The following SLC39A12 variants were observed in gnomAD, a reference collection of about 807,000 sequenced individuals.
The protein encoded by SLC39A12 is zinc transporter ZIP12.
Under a neutral mutation model 71.1 loss-of-function variants are expected in SLC39A12, and 63 were observed. The observed-to-expected ratio is 0.89, with a 90% CI of 0.72 to 1.09. The LOEUF is 1.09. SLC39A12 is among the 50% of genes least tolerant of loss of function. The pLI, the probability that SLC39A12 is intolerant of heterozygous loss-of-function variation, is 0.00. For missense variants in SLC39A12, 892 were observed against 812.6 expected, an observed-to-expected ratio of 1.10 and a Z score of -1.19; for synonymous variants, 351 against 301.3, an observed-to-expected ratio of 1.16 and a Z score of -1.71.
chr10:18,027,270 A>AGCATG (rs1361974815), intron 12 of SLC39A12, among the ~76,000 whole-genome samples: 3 of 152,226 alleles, frequency 2.0e-5, no homozygotes, highest in African/African-American at 7.2e-5. Flanking sequence ...CAAGTAAGAC[A>AGCATG]GCATGGCTAG....
intron 12 of SLC39A12, among the ~76,000 whole-genome samples, chr10:18,034,013 A>G (rs1836927247): frequency 1.4e-5 from 2 of 146,056 alleles, no homozygotes; most frequent in Non-Finnish European, 3.0e-5. Flanking sequence ...GTGGTCTGAG[A>G]GATAGTTTGT....
rs781480936 is a variant in SLC39A12 at position 18,000,724 on chromosome 10, T to C, written c.1658T>C (p.Phe553Ser). Residue 553 changes from phenylalanine (F) to serine (S), a missense_variant, in exon 11 of 13, where the codon TTT becomes TCT. Transcript: ENST00000377369. ...CTGGTTGGGGACAGCCTGCATAATT[T>C]TGCAGATGGCCTAGCCATAGGAGCA... ...MILVGDSLHN[F>S]ADGLAIGAAF... The C allele has an allele frequency of 1.2e-6, 2 of 1,614,148 alleles. No homozygotes were observed. The highest frequency in any genetic ancestry group is 4.5e-5 in the East Asian group (2 of 44,876).
chr10:17,990,858 C>T (rs1564648871), intron 7 of SLC39A12, among the ~76,000 whole-genome samples: 1 of 152,118 alleles, frequency 6.6e-6, no homozygotes, highest in Non-Finnish European at 1.5e-5. Context: ...AAATCTAGGG[C>T]ACTTGCAGAA....
intron 12 of SLC39A12, among the ~76,000 whole-genome samples, chr10:18,021,638 A>T (rs1394383242): frequency 6.6e-6 from 1 of 152,116 alleles, no homozygotes; most frequent in Non-Finnish European, 1.5e-5. Flanking sequence ...TAATATTGAT[A>T]TGTATGGATT....
chr10:18,036,493 C>T (rs547976574), intron 12 of SLC39A12, among the ~76,000 whole-genome samples: 13 of 152,046 alleles, frequency 8.6e-5, no homozygotes, highest in Non-Finnish European at 1.6e-4. Flanking sequence ...GGCAATGCCT[C>T]GCCCTGCTTC....
chr10:17,997,382 T>A (rs1197004934), intron 10 of SLC39A12, among the ~76,000 whole-genome samples: 1 of 152,240 alleles, frequency 6.6e-6, no homozygotes, highest in Non-Finnish European at 1.5e-5. Flanking sequence ...TGTAATTACA[T>A]ATTTTGTCCA....
chr10:17,985,249 A>C (rs1835370678), intron 6 of SLC39A12, among the ~76,000 whole-genome samples: 1 of 152,182 alleles, frequency 6.6e-6, no homozygotes. Context: ...AGGCTGAAGC[A>C]GGAGAATCAC....
intron 4 of SLC39A12, among the ~76,000 whole-genome samples, chr10:17,967,652 G>A (rs576392559): frequency 5.3e-4 from 81 of 152,106 alleles, no homozygotes; most frequent in Non-Finnish European, 1.0e-3. Flanking sequence ...GGGAGGCCAA[G>A]GTGGGTGGAT....
intron 12 of SLC39A12, among the ~76,000 whole-genome samples, chr10:18,036,770 A>G (rs1267151438): frequency 1.5e-4 from 2 of 13,436 alleles, no homozygotes; most frequent in African/African-American, 6.5e-4. Context: ...ATATATATAT[A>G]TATATATATA....
intron 2 of SLC39A12, among the ~76,000 whole-genome samples, chr10:17,957,212 GT>G (rs1413759522): frequency 3.9e-5 from 6 of 152,122 alleles, no homozygotes; most frequent in Non-Finnish European, 8.8e-5. Context: ...CTACCAAGTT[GT>G]TTTTTGTCAG....
intron 7 of SLC39A12, 78 bp from the exon 8 acceptor site, chr10:17,991,073 C>A: frequency 7.6e-7 from 1 of 1,314,578 alleles, no homozygotes; most frequent in Non-Finnish European, 1.0e-6. Flanking sequence ...CAACACTGGG[C>A]CTACTATTTA....
chr10:17,953,620 C>T (rs113532564), intron 2 of SLC39A12, 83 bp downstream of exon 2: 1 of 1,458,652 alleles, frequency 6.9e-7, no homozygotes, highest in Non-Finnish European at 9.2e-7. Flanking sequence ...TTCAGTAAAG[C>T]AAAATCACAG....
intron 3 of SLC39A12, 65 bp from the exon 4 acceptor site, chr10:17,965,418 G>A (rs1041739977): frequency 8.2e-6 from 12 of 1,463,940 alleles, no homozygotes; most frequent in African/African-American, 1.4e-5. Context: ...GGAAATTTCA[G>A]AGATGTTAGA....
At chr10:18,034,738 A>G (rs1836949333) in intron 12 of SLC39A12, among the ~76,000 whole-genome samples, 1 of 150,132 alleles carries the variant, frequency 6.7e-6, no homozygotes, top group Non-Finnish European at 1.5e-5. Flanking sequence ...GTTTCTTCCT[A>G]GTCTCGATGG....
Position 18,042,860 on chromosome 10 carries a change from A to G in SLC39A12, c.*27A>G, listed in dbSNP as rs781592681. The G allele has an allele frequency of 7.6e-6, 12 of 1,584,254 alleles. No individual in the cohort carries two copies. The African/African-American group carries it at 1.2e-4, about 16-fold the overall frequency. ...TGAGGATCTTCAACATCTTTCAAAAATGCATTTATATAGTCTTACTTTGTT... is the reference window on the plus strand; with the variant it reads ...TGAGGATCTTCAACATCTTTCAAAAGTGCATTTATATAGTCTTACTTTGTT... On this transcript the variant is annotated 3_prime_UTR_variant, in exon 13 of 13. Coordinates refer to ENST00000377369, the MANE Select transcript of SLC39A12 (RefSeq NM_001145195.2).
intron 9 of SLC39A12, among the ~76,000 whole-genome samples, chr10:17,993,894 T>C (rs1274571232): frequency 1.3e-5 from 2 of 152,214 alleles, no homozygotes; most frequent in Non-Finnish European, 2.9e-5. Flanking sequence ...GAAAGTAATA[T>C]ATAATTGCTA....
In SLC39A12 at chr10:18,018,243, C is replaced by A. The variant is rs138049165; in HGVS notation, c.1947+14885C>A. On this transcript the variant is annotated intron_variant, in intron 12 of 12. Transcript: ENST00000377369. ...TGAATATTAACCATGTATTCTGCAA[C>A]CTTGCTATACTTGATTATGTGTTCT... 9.8e-3 allele frequency among the ~76,000 whole-genome samples: 1,490 copies of A among 152,220 alleles called. 20 individuals carry two copies. Among genetic ancestry groups the A allele is most frequent in the Middle Eastern group, 0.014 (4 of 294 alleles).
chr10:17,959,341 C>G (rs1412189357), intron 2 of SLC39A12, among the ~76,000 whole-genome samples: 1 of 152,054 alleles, frequency 6.6e-6, no homozygotes, highest in Non-Finnish European at 1.5e-5. Flanking sequence ...TGTTTGAGTA[C>G]TTGACCCCCT....
At chr10:17,952,953 C>T (rs879950728) in intron 1 of SLC39A12, among the ~76,000 whole-genome samples, 4 of 152,146 alleles carry the variant, frequency 2.6e-5, no homozygotes, top group Non-Finnish European at 4.4e-5. Flanking sequence ...GAGAAACTTA[C>T]GTGACGCTAT....
Sources: gnomAD v4.1 joint callset for allele counts (sites outside exome capture counted in the v4.1 genomes callset) on GRCh38, gnomAD v4.1.1 for gene constraint, MANE v1.5 for transcripts, NCBI Gene and HGNC (gene_info 2026-07-23, HGNC 2026-07-21) for gene names.